ADCY9: variants seen among roughly 807,000 people sequenced by gnomAD.
The protein encoded by ADCY9 is adenylate cyclase 9.
A neutral mutation model predicts 101.5 loss-of-function variants in ADCY9; 50 were observed. That is an observed-to-expected ratio of 0.49 (90% CI 0.39 to 0.62). The LOEUF (loss-of-function observed/expected upper bound fraction) is 0.62. Among genes scored for constraint, ADCY9 ranks in the 20% least tolerant of loss-of-function variants. The pLI is 0.00. For synonymous variants in ADCY9, 905 were observed against 769.3 expected (o/e 1.18, Z -2.92); for missense variants, 1,662 against 1,800.4 (o/e 0.92, Z 1.39).
At position 4,115,535 on chromosome 16, in the gene ADCY9, G is replaced by A. The variant is rs1369078164; in HGVS notation, c.-43-50C>T. ...GCGGCGCTCCCACCTAGGCATGCAC[G>A]CCTAGAGGCCCGGGACCTGCTCCTG... On this transcript the variant is annotated intron_variant, in intron 1 of 10. Coordinates refer to ENST00000294016, the MANE Select transcript of ADCY9 (RefSeq NM_001116.4). This position sits in a 1 kb window ranked among gnomAD's most constrained non-coding sequence, Gnocchi z 6.2. The A allele has an allele frequency of 2.8e-5, 40 of 1,410,416 alleles. No homozygotes were observed. Among genetic ancestry groups the A allele is most frequent in the Admixed American group, 5.4e-5 (2 of 36,918 alleles). 87.4% of individuals were successfully genotyped at this position (1,410,416 alleles called of 1,614,324 possible).
At chr16:3,972,226 T>A (rs544961997) in intron 10 of ADCY9, among the ~76,000 whole-genome samples, 1 of 130,652 alleles carries the variant, frequency 7.7e-6, no homozygotes, top group African/African-American at 2.6e-5. Context: ...AGAATTTCTT[T>A]TTCTTTTCTT....
intron 2 of ADCY9, among the ~76,000 whole-genome samples, chr16:4,026,106 A>T (rs184624847): frequency 6.6e-6 from 1 of 152,296 alleles, no homozygotes; most frequent in African/African-American, 2.4e-5. Context: ...CAAGAAGTTA[A>T]TTCACAAATT....
chr16:3,986,450 GTTTTT>G (rs375371460), intron 6 of ADCY9, among the ~76,000 whole-genome samples: 29 of 151,988 alleles, frequency 1.9e-4, no homozygotes, highest in African/African-American at 6.3e-4. Flanking sequence ...ATACATGTTT[GTTTTT>G]TTTCTTTTTT....
rs1170090126 is a variant in ADCY9, at chr16:4,110,376, C to CTTTTTTTTTTTTTTTTTTTTTTTTTTT, written c.1693+3373_1693+3374insAAAAAAAAAAAAAAAAAAAAAAAAAAA. 5.4e-5 allele frequency among the ~76,000 whole-genome samples: 6 copies of CTTTTTTTTTTTTTTTTTTTTTTTTTTT among 110,742 alleles called. 2 individuals carry two copies. The highest frequency in any genetic ancestry group is 9.1e-5 in the Non-Finnish European group (5 of 55,024). The allele number at this position is 110,742 out of a possible 152,430, so 72.7% of individuals were successfully genotyped here. On this transcript the variant is annotated intron_variant, in intron 2 of 10. Transcript: ENST00000294016. ...AGTTTTGCAATCATACTTATACCTA[C>CTTTTTTTTTTTTTTTTTTTTTTTTTTT]TTTTTTTTTTTTTTTTTTTTTTTTT... is the stretch of plus-strand genomic sequence containing the variant.
intron 2 of ADCY9, among the ~76,000 whole-genome samples, chr16:4,091,220 C>A (rs181449382): frequency 6.6e-6 from 1 of 152,258 alleles, no homozygotes. Context: ...ATTATAAGCA[C>A]GCGCCATGAT....
At chr16:4,059,382 A>C (rs1253789796) in intron 2 of ADCY9, among the ~76,000 whole-genome samples, 6 of 150,836 alleles carry the variant, frequency 4.0e-5, no homozygotes, top group Non-Finnish European at 4.4e-5. Context: ...ATCCATCGAA[A>C]AAAAAAAAAA....
chr16:3,971,933 T>C (rs1005077598), intron 10 of ADCY9, among the ~76,000 whole-genome samples: 3 of 152,106 alleles, frequency 2.0e-5, no homozygotes, highest in African/African-American at 7.2e-5. Flanking sequence ...GCCAGGCCCC[T>C]CCAGGCAGAG....
At chr16:3,999,122 C>A (rs534133806) in intron 3 of ADCY9, among the ~76,000 whole-genome samples, 1 of 152,270 alleles carries the variant, frequency 6.6e-6, no homozygotes, top group Non-Finnish European at 1.5e-5. Context: ...GCTGAGAAGC[C>A]CTCCCTGGGA....
intron 2 of ADCY9, among the ~76,000 whole-genome samples, chr16:4,038,958 C>G (rs544939216): frequency 2.5e-4 from 38 of 152,294 alleles, no homozygotes; most frequent in Non-Finnish European, 4.4e-5. Flanking sequence ...AAGCCTTGCT[C>G]TGAAACTCGT....
chr16:3,988,453 G>GTTCCCCTCCAGGGCAGGTGTGGGGGA (rs2056213916), intron 6 of ADCY9, among the ~76,000 whole-genome samples: 2 of 92,752 alleles, frequency 2.2e-5, no homozygotes, highest in African/African-American at 3.3e-5. Flanking sequence ...CAGGTGGGGG[G>GTTCCCCTCCAGGGCAGGTGTGGGGGA]TTCCCTTCCA....
intron 9 of ADCY9, among the ~76,000 whole-genome samples, chr16:3,976,698 C>T (rs2056095093): frequency 6.6e-6 from 1 of 152,236 alleles, no homozygotes; most frequent in Admixed American, 6.5e-5. Context: ...ACTCTTGTCA[C>T]CCAGGCTGGA....
intron 2 of ADCY9, among the ~76,000 whole-genome samples, chr16:4,092,550 T>G (rs1392880046): frequency 6.6e-6 from 1 of 152,242 alleles, no homozygotes; most frequent in African/African-American, 2.4e-5. Flanking sequence ...TTCCATTTTC[T>G]ATTTCTAGTA....
intron 6 of ADCY9, among the ~76,000 whole-genome samples, chr16:3,987,747 G>A (rs919621303): frequency 7.2e-5 from 11 of 152,166 alleles, no homozygotes; most frequent in African/African-American, 1.9e-4. Context: ...AGGACACCAC[G>A]GAGTTTAATG....
intron 2 of ADCY9, among the ~76,000 whole-genome samples, chr16:4,096,306 A>C (rs1393193132): frequency 1.3e-5 from 2 of 152,238 alleles, no homozygotes; most frequent in Non-Finnish European, 2.9e-5. Context: ...AGCTATACTT[A>C]GACAATGGTG....
chr16:3,991,945 C>T (rs963836691), intron 5 of ADCY9, among the ~76,000 whole-genome samples: 14 of 151,896 alleles, frequency 9.2e-5, no homozygotes, highest in African/African-American at 2.9e-4. Flanking sequence ...GTGGTGGGTG[C>T]CAGTAACCCC....
rs1400380677 is a variant in ADCY9 at position 4,115,604 on chromosome 16, T to C, written c.-44+86A>G. 1 of 843,150 alleles carries C rather than the reference T, an allele frequency of 1.2e-6. No individual in the cohort carries two copies. Among genetic ancestry groups the C allele is most frequent in the East Asian group, 2.7e-5 (1 of 37,078 alleles). The allele number at this position is 843,150 out of a possible 1,614,324, so 52.2% of individuals were successfully genotyped here. ...GCACGCGACCTGGACAGGCACCATC[T>C]GTTCCTGTGGTTCCCGGCTCAGCGG... On this transcript the variant is annotated intron_variant, in intron 1 of 10. Coordinates refer to ENST00000294016, the MANE Select transcript of ADCY9 (RefSeq NM_001116.4). This position sits in a 1 kb window ranked among gnomAD's most constrained non-coding sequence, Gnocchi z 6.2.
At chr16:4,047,562 C>T (rs189667664) in intron 2 of ADCY9, among the ~76,000 whole-genome samples, 15 of 152,090 alleles carry the variant, frequency 9.9e-5, no homozygotes, top group East Asian at 9.7e-4. Flanking sequence ...AGCTGTTAGA[C>T]GCACACTGGT....
At chr16:3,970,579 T>C (rs1024072235) in intron 10 of ADCY9, among the ~76,000 whole-genome samples, 4 of 152,178 alleles carry the variant, frequency 2.6e-5, no homozygotes, top group Non-Finnish European at 4.4e-5. Flanking sequence ...CCACCCGCCT[T>C]GGCCTCCCAA....
chr16:4,020,757 C>A (rs1329931595), intron 2 of ADCY9, among the ~76,000 whole-genome samples: 1 of 149,680 alleles, frequency 6.7e-6, no homozygotes, highest in African/African-American at 2.5e-5. Flanking sequence ...ACCCAGGAGG[C>A]GGAGCTTGCA....
Sources: gnomAD v4.1 joint callset for allele counts (sites outside exome capture counted in the v4.1 genomes callset) on GRCh38, gnomAD v4.1.1 for gene constraint, Gnocchi (gnomAD v3.1) non-coding constraint, MANE v1.5 for transcripts, NCBI Gene and HGNC (gene_info 2026-07-23, HGNC 2026-07-21) for gene names.